SENP6: variants seen among roughly 807,000 people sequenced by gnomAD.
SENP6 encodes the protein sentrin-specific protease 6.
A neutral mutation model predicts 134.5 loss-of-function variants in SENP6; 41 were observed. The observed-to-expected ratio is 0.30, with a 90% CI of 0.24 to 0.40. SENP6 has a LOEUF of 0.40. Ranked by LOEUF, SENP6 falls within the 10% of genes least tolerant of loss-of-function variation. SENP6 has a pLI of 1.00. For missense variants in SENP6, 1,248 were observed against 1,312.5 expected (o/e 0.95, Z 0.76); for synonymous variants, 395 against 429.8 (o/e 0.92, Z 1.00).
In SENP6 at chr6:75,666,709, T is replaced by C; in HGVS notation, c.995-3T>C. The C allele has an allele frequency of 2.9e-6, 4 of 1,357,222 alleles. No individual in the cohort carries two copies. Among genetic ancestry groups the C allele is most frequent in the East Asian group, 2.5e-5 (1 of 40,014 alleles). The allele number at this position is 1,357,222 out of a possible 1,614,324, so 84.1% of individuals were successfully genotyped here. On this transcript the variant is annotated splice_polypyrimidine_tract_variant and splice_region_variant and intron_variant, in intron 9 of 23. Coordinates refer to ENST00000447266, the MANE Select transcript of SENP6 (RefSeq NM_015571.4). The stretch of plus-strand genomic sequence containing the variant: ...AAATTATAAATTATTAAAATACTTT[T>C]AGTCATTTTGTCCAGTGATGATGAT...
At chr6:75,671,335 C>G (rs903372705) in intron 11 of SENP6, among the ~76,000 whole-genome samples, 1 of 152,074 alleles carries the variant, frequency 6.6e-6, no homozygotes, top group African/African-American at 2.4e-5. Flanking sequence ...GTTCTGTAAG[C>G]CTTTGTTTTA....
intron 6 of SENP6, among the ~76,000 whole-genome samples, chr6:75,643,463 T>C (rs1012667080): frequency 6.6e-6 from 1 of 152,204 alleles, no homozygotes; most frequent in Non-Finnish European, 1.5e-5. Context: ...CATTTTGTAA[T>C]AGGCACAGTT....
chr6:75,707,821 C>T (rs1775505278), intron 19 of SENP6, among the ~76,000 whole-genome samples: 1 of 151,888 alleles, frequency 6.6e-6, no homozygotes, highest in African/African-American at 2.4e-5. Context: ...TAACTGGGAC[C>T]ACAGGTGCCC....
rs1205084298 is a variant in SENP6 at position 75,633,637 on chromosome 6, A to G, written c.264A>G (p.Thr88=). 5 of 1,611,670 alleles carry G rather than the reference A, an allele frequency of 3.1e-6. No homozygotes were observed. Among genetic ancestry groups the G allele is most frequent in the African/African-American group, 1.3e-5 (1 of 74,906 alleles). ...GCTCTGGTGAATTCATCTTGAAGAC[A>G]TATGTAAGACGAAACAAGTCTGAAA... ...ANSSGEFILK[T]YVRRNKSESF... The change falls in exon 4 of 24, where the codon ACA becomes ACG. Residue 88 remains threonine (T), a synonymous_variant. Transcript: ENST00000447266.
At chr6:75,682,410 T>C (rs1290614448) in intron 16 of SENP6, among the ~76,000 whole-genome samples, 1 of 151,984 alleles carries the variant, frequency 6.6e-6, no homozygotes, top group Non-Finnish European at 1.5e-5. Flanking sequence ...ATATTCTTTT[T>C]TTTTTTTAAT....
At position 75,643,538 on chromosome 6, in the gene SENP6, A is replaced by G. The variant is rs754686915; in HGVS notation, c.479+2834A>G. ...ATAGTTAAAATTCAAGAAATTCAAC[A>G]TGGTAAAACCCCGCCTCTATTAAAA... On this transcript the variant is annotated intron_variant, in intron 6 of 23. Transcript: ENST00000447266. Among the ~76,000 whole-genome samples the G allele has an allele frequency of 6.5e-4, 99 of 152,316 alleles. 1 individual carries two copies. Among genetic ancestry groups the G allele is most frequent in the Non-Finnish European group, 9.1e-4 (62 of 68,024 alleles).
chr6:75,632,766 T>C (rs2149837288), intron 3 of SENP6, among the ~76,000 whole-genome samples: 1 of 152,288 alleles, frequency 6.6e-6, no homozygotes, highest in South Asian at 2.1e-4. Flanking sequence ...CATGATTTTA[T>C]TAATGGGAGT....
intron 9 of SENP6, among the ~76,000 whole-genome samples, chr6:75,665,116 C>A (rs1434576666): frequency 3.9e-5 from 6 of 152,062 alleles, no homozygotes; most frequent in Admixed American, 3.9e-4. Flanking sequence ...GAAACCCCGT[C>A]TCTACTAAAA....
At chr6:75,612,226 C>G (rs897082719) in intron 1 of SENP6, among the ~76,000 whole-genome samples, 2 of 152,154 alleles carry the variant, frequency 1.3e-5, no homozygotes, top group Non-Finnish European at 2.9e-5. Flanking sequence ...CATGGTGACT[C>G]AAGGCTTTGG....
In SENP6 at chr6:75,659,183, A is replaced by G. The variant is rs1368657726; in HGVS notation, c.551-79A>G. Reference sequence around the variant, plus strand: ...AGGATATAATTATTGGTTTAGTCTTATGTTCTGATTATTTTTTTGCTGAAA... The same window carrying G: ...AGGATATAATTATTGGTTTAGTCTTGTGTTCTGATTATTTTTTTGCTGAAA... On this transcript the variant is annotated intron_variant, in intron 7 of 23. Transcript: ENST00000447266. 4 of 1,039,118 alleles carry G rather than the reference A, an allele frequency of 3.8e-6. No individual in the cohort carries two copies. The East Asian group carries it at 1.0e-4, about 27-fold the overall frequency. The allele number at this position is 1,039,118 out of a possible 1,614,324, so 64.4% of individuals were successfully genotyped here. A position where few individuals can be genotyped will look rare whatever the true frequency, so the allele number is the denominator to read the frequency against.
At chr6:75,694,646 G>C (rs770366672) in intron 16 of SENP6, among the ~76,000 whole-genome samples, 1 of 152,112 alleles carries the variant, frequency 6.6e-6, no homozygotes, top group South Asian at 2.1e-4. Context: ...ACCATAAAAT[G>C]TGTGGTTTTT....
chr6:75,714,721 C>T (rs1775939177), intron 23 of SENP6, among the ~76,000 whole-genome samples: 1 of 152,172 alleles, frequency 6.6e-6, no homozygotes, highest in Non-Finnish European at 1.5e-5. Context: ...AATACAACAG[C>T]CAGCCACCTG....
intron 16 of SENP6, among the ~76,000 whole-genome samples, chr6:75,692,211 T>A (rs868518595): frequency 1.3e-5 from 2 of 152,192 alleles, no homozygotes; most frequent in African/African-American, 2.4e-5. Context: ...AAATGAGAGA[T>A]ATGATTATTA....
Position 75,676,070 on chromosome 6 carries a change from CAGATTATAAT to C in SENP6, c.1621+21_1621+30del. 6.6e-7 allele frequency: 1 copy of C among 1,522,498 alleles called. No homozygotes were observed. Among genetic ancestry groups the C allele is most frequent in the South Asian group, 1.2e-5 (1 of 80,668 alleles). 94.3% of individuals were successfully genotyped at this position (1,522,498 alleles called of 1,614,324 possible). On this transcript the variant is annotated intron_variant, in intron 13 of 23. Coordinates refer to ENST00000447266, the MANE Select transcript of SENP6 (RefSeq NM_015571.4). ...AAATTAACAAGTAAGTTGTGTAAAA[CAGATTATAAT>C]AGATAATAATAGATACTGTATTTAC...
At chr6:75,696,910 G>A (rs1024237958) in intron 17 of SENP6, among the ~76,000 whole-genome samples, 1 of 152,030 alleles carries the variant, frequency 6.6e-6, no homozygotes, top group Admixed American at 6.5e-5. Context: ...TGAATTGATG[G>A]CTGCTATGCA....
At chr6:75,662,136 CAT>C (rs1342894871) in intron 8 of SENP6, among the ~76,000 whole-genome samples, 1 of 152,140 alleles carries the variant, frequency 6.6e-6, no homozygotes, top group Non-Finnish European at 1.5e-5. Context: ...GTAAAAATGA[CAT>C]AGTCTCAAAG....
intron 16 of SENP6, among the ~76,000 whole-genome samples, chr6:75,682,548 C>T (rs1313572353): frequency 6.6e-6 from 1 of 152,010 alleles, no homozygotes; most frequent in African/African-American, 2.4e-5. Flanking sequence ...AATGCTATCC[C>T]TCCCCCAGCC....
chr6:75,604,039 AG>A (rs1387111637), intron 1 of SENP6, among the ~76,000 whole-genome samples: 1 of 152,208 alleles, frequency 6.6e-6, no homozygotes, highest in Non-Finnish European at 1.5e-5. Context: ...TGGAAACAAA[AG>A]ATGGCTTACT....
intron 13 of SENP6, among the ~76,000 whole-genome samples, chr6:75,676,376 A>C (rs1037105442): frequency 2.0e-5 from 3 of 152,134 alleles, no homozygotes; most frequent in Non-Finnish European, 4.4e-5. Flanking sequence ...AGGAATATTA[A>C]ATGTAAATCA....
Sources: gnomAD v4.1 joint callset for allele counts (sites outside exome capture counted in the v4.1 genomes callset) on GRCh38, gnomAD v4.1.1 for gene constraint, MANE v1.5 for transcripts, NCBI Gene and HGNC (gene_info 2026-07-23, HGNC 2026-07-21) for gene names.